ATP2B4: variants seen among roughly 807,000 people sequenced by gnomAD.
The protein encoded by ATP2B4 is ATPase plasma membrane Ca2+ transporting 4.
Under a neutral mutation model 110.3 loss-of-function variants are expected in ATP2B4, and 39 were observed. That is an observed-to-expected ratio of 0.35 (90% CI 0.27 to 0.46). The LOEUF (loss-of-function observed/expected upper bound fraction) is 0.46, where lower values mean the gene tolerates loss of function less well. Ranked by LOEUF, ATP2B4 falls within the 20% of genes least tolerant of loss-of-function variation. The pLI, the probability that ATP2B4 is intolerant of heterozygous loss-of-function variation, is 1.00. For missense variants in ATP2B4, 1,135 were observed against 1,530.9 expected (o/e 0.74, Z 4.32); for synonymous variants, 538 against 571.7 (o/e 0.94, Z 0.84).
At chr1:203,654,194 G>A (rs1183599163) in intron 1 of ATP2B4, among the ~76,000 whole-genome samples, 2 of 151,774 alleles carry the variant, frequency 1.3e-5, no homozygotes, top group East Asian at 1.9e-4. Flanking sequence ...ATATTGGTCA[G>A]GCTGGTCTCG....
intron 1 of ATP2B4, among the ~76,000 whole-genome samples, chr1:203,662,931 A>C (rs752183146): frequency 1.3e-5 from 2 of 152,172 alleles, no homozygotes; most frequent in Non-Finnish European, 2.9e-5. Context: ...TGCGCATGAC[A>C]TCACCTGAAC....
At chr1:203,737,232 A>G (rs908828255) in intron 20 of ATP2B4, among the ~76,000 whole-genome samples, 1 of 152,170 alleles carries the variant, frequency 6.6e-6, no homozygotes, top group African/African-American at 2.4e-5. Context: ...TCTATAGTGG[A>G]CTTCACATGT....
At chr1:203,726,877 A>G (rs180791221) in intron 19 of ATP2B4, among the ~76,000 whole-genome samples, 4 of 152,306 alleles carry the variant, frequency 2.6e-5, no homozygotes, top group Admixed American at 2.0e-4. Context: ...TCCTTTCACA[A>G]GAGTTTGTAA....
chr1:203,733,521 T>G, intron 20 of ATP2B4: 1 of 1,094,554 alleles, frequency 9.1e-7, no homozygotes, highest in Admixed American at 3.3e-5. Flanking sequence ...ATATTTTGAC[T>G]TAAGGGAAGA....
chr1:203,721,668 TTTTTTC>T (rs1212245071), intron 17 of ATP2B4, among the ~76,000 whole-genome samples: 2 of 135,232 alleles, frequency 1.5e-5, no homozygotes, highest in African/African-American at 2.9e-5. Context: ...TTTTTTTTTT[TTTTTTC>T]TTTTTGGAGA....
chr1:203,678,475 C>A (rs1449089555), intron 1 of ATP2B4, among the ~76,000 whole-genome samples: 1 of 147,684 alleles, frequency 6.8e-6, no homozygotes, highest in Admixed American at 6.9e-5. Context: ...CAGCTCACTG[C>A]ACACTGCAGC....
intron 4 of ATP2B4, 23 bp from the exon 5 acceptor site, chr1:203,700,183 C>T (rs1419898118): frequency 1.2e-6 from 2 of 1,606,166 alleles, no homozygotes; most frequent in Non-Finnish European, 1.7e-6. Context: ...CTTCACTGTC[C>T]CTCCTTCCCC....
chr1:203,714,079 G>T (rs917607222), intron 14 of ATP2B4, 92 bp from the exon 15 acceptor site: 4 of 1,247,910 alleles, frequency 3.2e-6, no homozygotes, highest in Non-Finnish European at 3.5e-6. Flanking sequence ...GAAAAGGGAA[G>T]GAAAGAAGAA....
chr1:203,707,016 C>T lies in ATP2B4; in HGVS notation c.1107C>T (p.Leu369=), dbSNP rs1665867555. 8.7e-6 allele frequency: 14 copies of T among 1,613,674 alleles called. No homozygotes were observed. Among genetic ancestry groups the T allele is most frequent in the Non-Finnish European group, 1.2e-5 (14 of 1,179,796 alleles). The change falls in exon 9 of 21, where the codon CTC becomes CTT. Residue 369 remains leucine, a synonymous_variant. Transcript: ENST00000357681. The part of the protein sequence containing the change: ...LAVQIGKAGL[L]MSALTVFILI... The stretch of plus-strand genomic sequence containing the variant: ...ACTTGTTTCTCTGGACAGGTCTGCT[C>T]ATGTCTGCTCTCACGGTTTTCATCC...
At chr1:203,718,913 A>T (rs1558049908) in intron 15 of ATP2B4, among the ~76,000 whole-genome samples, 1 of 152,060 alleles carries the variant, frequency 6.6e-6, no homozygotes, top group Non-Finnish European at 1.5e-5. Context: ...ATATCATGTT[A>T]CTTTCCGTTT....
In ATP2B4 at chr1:203,743,350, GGGCACTTATAAAT is replaced by G. The variant is rs1667030751; in HGVS notation, c.*3498_*3510del. ...CCACCCCCGATGCATTGGTGAGGGTGGGCACTTATAAATGCCTGCTATTGTTAAGCCATTCCAG... is the reference window on the plus strand; with the variant it reads ...CCACCCCCGATGCATTGGTGAGGGTGGCCTGCTATTGTTAAGCCATTCCAG... On this transcript the variant is annotated 3_prime_UTR_variant, in exon 21 of 21. Transcript: ENST00000357681. The G allele has an allele frequency of 6.6e-6, 1 of 152,562 alleles. No homozygotes were observed. Among genetic ancestry groups the G allele is most frequent in the Non-Finnish European group, 1.5e-5 (1 of 68,042 alleles). The allele number at this position is 152,562 out of a possible 1,614,324, so 9.5% of individuals were successfully genotyped here.
intron 15 of ATP2B4, among the ~76,000 whole-genome samples, chr1:203,720,310 T>A (rs1666283740): frequency 6.6e-6 from 1 of 151,944 alleles, no homozygotes; most frequent in Non-Finnish European, 1.5e-5. Context: ...GAGGGGAGGG[T>A]GAAAGGGATA....
rs1367243817 is a variant in ATP2B4 at position 203,743,199 on chromosome 1, C to G, written c.*3345C>G. 2 of 152,638 alleles carry G rather than the reference C, an allele frequency of 1.3e-5. No individual in the cohort carries two copies. The highest frequency in any genetic ancestry group is 2.9e-5 in the Non-Finnish European group (2 of 68,042). The allele number at this position is 152,638 out of a possible 1,614,324, so 9.5% of individuals were successfully genotyped here. On this transcript the variant is annotated 3_prime_UTR_variant, in exon 21 of 21. Transcript: ENST00000357681. ...AAAACCCAGAGGGGCGTGGCACACT[C>G]GCTTGTGTGGAAAAGCCTCTAAATG... is the stretch of plus-strand genomic sequence containing the variant.
intron 19 of ATP2B4, 148 bp from the exon 20 acceptor site, chr1:203,727,247 T>G (rs1452539812): frequency 1.1e-6 from 1 of 880,152 alleles, no homozygotes; most frequent in African/African-American, 1.7e-5. Context: ...CTTGCCTGGA[T>G]GGATTGGTGC....
intron 2 of ATP2B4, among the ~76,000 whole-genome samples, chr1:203,686,685 C>CTTTTGTTTTTTTTTTTTTT (rs1665194016): frequency 2.8e-4 from 12 of 42,782 alleles, no homozygotes; most frequent in African/African-American, 1.2e-3. Flanking sequence ...TCTTTTCTTT[C>CTTTTGTTTTTTTTTTTTTT]TTTTTTTTTT....
intron 14 of ATP2B4, among the ~76,000 whole-genome samples, chr1:203,713,907 G>A (rs77399907): frequency 3.3e-5 from 5 of 152,294 alleles, no homozygotes; most frequent in East Asian, 3.9e-4. Flanking sequence ...CAGCTGGTAC[G>A]TGGAAATGGT....
At position 203,712,074 on chromosome 1, in the gene ATP2B4, G is replaced by C; in HGVS notation, c.2146G>C (p.Gly716Arg). 1 of 1,614,142 alleles carries C rather than the reference G, an allele frequency of 6.2e-7. No homozygotes were observed. Among genetic ancestry groups the C allele is most frequent in the Non-Finnish European group, 8.5e-7 (1 of 1,180,008 alleles). Residue 716 changes from glycine to arginine, a missense_variant, in exon 13 of 21, where the codon GGG becomes CGG. This residue lies in a region of ATP2B4 where 368 missense variants were observed against 455.9 expected (regional missense o/e 0.81). Coordinates refer to ENST00000357681, the MANE Select transcript of ATP2B4 (RefSeq NM_001684.5). ...CACCAAATGTGGCATTCTGACACCT[G>C]GGGATGACTTCCTGTGCTTAGAAGG... ...IATKCGILTPGDDFLCLEGKE... is the reference protein window; with the variant it reads ...IATKCGILTPRDDFLCLEGKE...
chr1:203,629,524 G>T lies in ATP2B4; in HGVS notation c.-465+2305G>T, dbSNP rs1460970753. ...CCGGGTCGCCTGAGCCCGGGGTCGC[G>T]GCCAAAGGGGTAATCGGCTCCCGCA... On this transcript the variant is annotated intron_variant, in intron 1 of 20. Coordinates refer to ENST00000357681, the MANE Select transcript of ATP2B4 (RefSeq NM_001684.5). The surrounding 1 kb of genome is among the most constrained non-coding windows in gnomAD (Gnocchi z 4.6). Among the ~76,000 whole-genome samples the T allele has an allele frequency of 6.6e-6, 1 of 152,108 alleles. No homozygotes were observed. The highest frequency in any genetic ancestry group is 1.5e-5 in the Non-Finnish European group (1 of 67,996).
chr1:203,699,345 G>T (rs1171160989), intron 3 of ATP2B4, 115 bp from the exon 4 acceptor site: 4 of 1,379,718 alleles, frequency 2.9e-6, no homozygotes, highest in Non-Finnish European at 4.0e-6. Flanking sequence ...AGTTGTATTT[G>T]CTATTATTCA....
Sources: allele counts gnomAD v4.1 joint callset (sites outside exome capture counted in the v4.1 genomes callset), GRCh38; gene constraint gnomAD v4.1.1; regional missense constraint gnomAD v4.1.1; non-coding constraint Gnocchi (gnomAD v3.1); transcripts MANE v1.5; gene names NCBI Gene and HGNC (gene_info 2026-07-23, HGNC 2026-07-21).